Variants in FTCDNL1 observed in about 807,000 individuals in gnomAD.
FTCDNL1 encodes the protein formiminotransferase cyclodeaminase N-terminal like, also known as formiminotransferase N-terminal subdomain-containing protein.
Under a neutral mutation model 5.9 loss-of-function variants are expected in FTCDNL1, and 11 were observed. The ratio of observed to expected loss-of-function variants is 1.87; its 90% CI spans 1.18 to 3.10. The LOEUF is 3.10. FTCDNL1 is among the 30% of genes most tolerant of loss of function. FTCDNL1 has a pLI of 0.00. For missense variants in FTCDNL1, 115 were observed against 65.5 expected, an observed-to-expected ratio of 1.76 and a Z score of -2.61; for synonymous variants, 58 against 24.8, an observed-to-expected ratio of 2.34 and a Z score of -3.99.
intron 3 of FTCDNL1, among the ~76,000 whole-genome samples, chr2:199,775,782 C>A (rs1699029883): frequency 6.6e-6 from 1 of 152,188 alleles, no homozygotes; most frequent in South Asian, 2.1e-4. Context: ...CTTATAGGTT[C>A]CAGGCTCGGT....
At chr2:199,842,938 CAA>C (rs34781142) in intron 3 of FTCDNL1, among the ~76,000 whole-genome samples, 15 of 104,512 alleles carry the variant, frequency 1.4e-4, no homozygotes, top group African/African-American at 2.9e-4. Flanking sequence ...CATGCTGTTA[CAA>C]AAAAAAAAAA....
chr2:199,715,584 C>T, the FTCDNL1 span, among the ~76,000 whole-genome samples: 2 of 152,106 alleles, frequency 1.3e-5, no homozygotes, highest in African/African-American at 4.8e-5. Context: ...TATAAATTAC[C>T]CAGTCTCGGG....
chr2:199,768,536 T>C (rs1259702186), intron 3 of FTCDNL1, among the ~76,000 whole-genome samples: 1 of 152,084 alleles, frequency 6.6e-6, no homozygotes, highest in Non-Finnish European at 1.5e-5. Context: ...AGGTAAACTT[T>C]GTATTTGACA....
At chr2:199,752,606 G>A in the FTCDNL1 span, among the ~76,000 whole-genome samples, 19 of 152,138 alleles carry the variant, frequency 1.2e-4, no homozygotes, top group South Asian at 2.1e-4. Flanking sequence ...CTGAAGCATC[G>A]GCTCTCCCTC....
intron 3 of FTCDNL1, among the ~76,000 whole-genome samples, chr2:199,797,372 T>C (rs2106386474): frequency 6.6e-6 from 1 of 152,322 alleles, no homozygotes; most frequent in South Asian, 2.1e-4. Flanking sequence ...TGAAATTTCA[T>C]GCGTTTGAGT....
the FTCDNL1 span, among the ~76,000 whole-genome samples, chr2:199,729,805 C>G: frequency 6.6e-5 from 10 of 152,268 alleles, no homozygotes; most frequent in East Asian, 1.7e-3. Context: ...CAATGCTAGT[C>G]CCATCAAGCT....
the FTCDNL1 span, among the ~76,000 whole-genome samples, chr2:199,677,525 T>C: frequency 6.6e-6 from 1 of 152,042 alleles, no homozygotes; most frequent in East Asian, 1.9e-4. Context: ...TTAGAGGAAG[T>C]TGAAAATATA....
chr2:199,737,766 C>T, the FTCDNL1 span, among the ~76,000 whole-genome samples: 3 of 152,264 alleles, frequency 2.0e-5, no homozygotes, highest in South Asian at 2.1e-4. Context: ...GGCTGAATAA[C>T]GTGAATAAAG....
the FTCDNL1 span, among the ~76,000 whole-genome samples, chr2:199,717,147 A>T: frequency 6.6e-6 from 1 of 152,202 alleles, no homozygotes; most frequent in East Asian, 1.9e-4. Context: ...TGTCCTTAAT[A>T]CAATCTCATT....
At chr2:199,701,252 A>C in the FTCDNL1 span, among the ~76,000 whole-genome samples, 1 of 139,112 alleles carries the variant, frequency 7.2e-6, no homozygotes. Flanking sequence ...CAAAACTACA[A>C]TGAGATACCA....
chr2:199,796,123 A>G (rs1700159542), intron 3 of FTCDNL1, among the ~76,000 whole-genome samples: 1 of 152,228 alleles, frequency 6.6e-6, no homozygotes, highest in African/African-American at 2.4e-5. Flanking sequence ...AAAATACAAT[A>G]GAACATGCAG....
chr2:199,782,311 T>G (rs1035299234), intron 3 of FTCDNL1, among the ~76,000 whole-genome samples: 2 of 152,216 alleles, frequency 1.3e-5, no homozygotes, highest in Admixed American at 6.5e-5. Flanking sequence ...GAGGAATAAT[T>G]TACATACAAT....
chr2:199,821,433 T>C (rs1287586219), intron 3 of FTCDNL1, among the ~76,000 whole-genome samples: 1 of 150,762 alleles, frequency 6.6e-6, no homozygotes, highest in African/African-American at 2.4e-5. Flanking sequence ...GTGCTGGGAT[T>C]ACAGGCATAA....
chr2:199,787,474 A>G (rs1280543955), intron 3 of FTCDNL1, among the ~76,000 whole-genome samples: 2 of 151,830 alleles, frequency 1.3e-5, no homozygotes, highest in Non-Finnish European at 2.9e-5. Context: ...ATGAGCCACC[A>G]CTCCAAGCCT....
At position 199,770,029 on chromosome 2, in the gene FTCDNL1, C is replaced by T. The variant is rs997696768; in HGVS notation, c.212-9194G>A. On this transcript the variant is annotated intron_variant, in intron 3 of 3. Transcript: ENST00000416668. ...CATGCTTGTGCAACTACACTGACGT[C>T]TCCCATCTGATGTTCTCTAAGCTCA... is the stretch of plus-strand genomic sequence containing the variant. 3.3e-5 allele frequency among the ~76,000 whole-genome samples: 5 copies of T among 152,136 alleles called. No homozygotes were observed. In the East Asian group the frequency reaches 7.7e-4, roughly 23 times the overall value.
chr2:199,675,361 A>G, the FTCDNL1 span, among the ~76,000 whole-genome samples: 1 of 152,200 alleles, frequency 6.6e-6, no homozygotes. Flanking sequence ...TAATTAAATC[A>G]TAGTATATAA....
the FTCDNL1 span, among the ~76,000 whole-genome samples, chr2:199,726,596 G>A: frequency 6.6e-6 from 1 of 152,096 alleles, no homozygotes; most frequent in Non-Finnish European, 1.5e-5. Context: ...TGTTGATATT[G>A]TTGTTGTTAT....
At chr2:199,731,877 G>C in the FTCDNL1 span, among the ~76,000 whole-genome samples, 1 of 148,972 alleles carries the variant, frequency 6.7e-6, no homozygotes, top group African/African-American at 2.5e-5. Context: ...GACAGAGCGA[G>C]ACTCCGTCTC....
intron 3 of FTCDNL1, among the ~76,000 whole-genome samples, chr2:199,827,097 T>G (rs1433075070): frequency 6.6e-6 from 1 of 152,220 alleles, no homozygotes; most frequent in Non-Finnish European, 1.5e-5. Flanking sequence ...TGCAGCCTCC[T>G]GGTGTGATGC....
Sources: gnomAD v4.1 joint callset for allele counts (sites outside exome capture counted in the v4.1 genomes callset) on GRCh38, gnomAD v4.1.1 for gene constraint, MANE v1.5 for transcripts, NCBI Gene and HGNC (gene_info 2026-07-23, HGNC 2026-07-21) for gene names.